PRKG1: variants seen among roughly 807,000 people sequenced by gnomAD.
PRKG1 encodes cGMP-dependent protein kinase 1.
Under a neutral mutation model 88.1 loss-of-function variants are expected in PRKG1, and 35 were observed. The ratio of observed to expected loss-of-function variants is 0.40; its 90% CI spans 0.30 to 0.53. PRKG1 has a LOEUF of 0.53. PRKG1 is among the 20% of genes least tolerant of loss of function. The pLI, the probability that PRKG1 is intolerant of heterozygous loss-of-function variation, is 0.59. For missense variants in PRKG1, 540 were observed against 839.8 expected (o/e 0.64, Z 4.41); for synonymous variants, 303 against 292.5 (o/e 1.04, Z -0.37).
At chr10:51,756,222 C>A (rs1288275884) in intron 3 of PRKG1, among the ~76,000 whole-genome samples, 1 of 152,116 alleles carries the variant, frequency 6.6e-6, no homozygotes, top group East Asian at 1.9e-4. Context: ...GTGGCTCAGA[C>A]CTGTAATCCC....
rs538550265 is a variant in PRKG1, at chr10:51,504,310, G to A, written c.592+36474G>A. On this transcript the variant is annotated intron_variant, in intron 3 of 17. Coordinates refer to ENST00000373980, the MANE Select transcript of PRKG1 (RefSeq NM_006258.4). ...ATGTGGCATTATTTCTGAGGGCTCT[G>A]TTCTGTTCCATTGGTATATATCTCT... Among the ~76,000 whole-genome samples the A allele has an allele frequency of 3.9e-5, 6 of 152,256 alleles. No individual in the cohort carries two copies. The East Asian group carries it at 5.8e-4, about 15-fold the overall frequency.
intron 2 of PRKG1, among the ~76,000 whole-genome samples, chr10:51,410,975 G>T (rs1419685909): frequency 1.3e-5 from 2 of 151,850 alleles, no homozygotes; most frequent in African/African-American, 2.4e-5. Context: ...GCTTTTAAAA[G>T]TAGAATGTGG....
At chr10:51,079,440 G>A (rs1844049876) in intron 1 of PRKG1, among the ~76,000 whole-genome samples, 1 of 152,108 alleles carries the variant, frequency 6.6e-6, no homozygotes, top group African/African-American at 2.4e-5. Flanking sequence ...GAGGAAAGAG[G>A]GAGGGATAGA....
chr10:51,854,947 G>C (rs781408538), intron 4 of PRKG1, among the ~76,000 whole-genome samples: 14 of 152,096 alleles, frequency 9.2e-5, no homozygotes, highest in Admixed American at 2.6e-4. Context: ...AACTGGGAAG[G>C]GTGGAGGAAA....
chr10:51,304,293 G>A (rs75568784), intron 2 of PRKG1, among the ~76,000 whole-genome samples: 1 of 151,960 alleles, frequency 6.6e-6, no homozygotes, highest in Non-Finnish European at 1.5e-5. Context: ...ATATCATATA[G>A]TCACGTAATA....
chr10:51,829,923 A>G (rs1937692), intron 4 of PRKG1, among the ~76,000 whole-genome samples: 31,868 of 152,076 alleles, frequency 0.21, 5,369 homozygotes, highest in African/African-American at 0.47. Context: ...AATTGGTAAG[A>G]GCTGTTCAAA....
chr10:51,859,017 G>A (rs1040068387), intron 4 of PRKG1, among the ~76,000 whole-genome samples: 8 of 152,064 alleles, frequency 5.3e-5, no homozygotes, highest in Non-Finnish European at 8.8e-5. Flanking sequence ...CCCCAAAGTG[G>A]CCTGCTCGAT....
chr10:51,679,403 A>T (rs902178470), intron 3 of PRKG1, among the ~76,000 whole-genome samples: 1 of 152,114 alleles, frequency 6.6e-6, no homozygotes, highest in Admixed American at 6.5e-5. Flanking sequence ...CTGTGAAGAG[A>T]TGGGATCCTT....
intron 5 of PRKG1, among the ~76,000 whole-genome samples, chr10:51,984,174 A>G (rs1453397221): frequency 1.3e-5 from 2 of 152,216 alleles, no homozygotes; most frequent in African/African-American, 2.4e-5. Context: ...GGCATGTTAC[A>G]AAGGGTGATA....
intron 2 of PRKG1, among the ~76,000 whole-genome samples, chr10:51,218,580 G>A (rs987005151): frequency 7.3e-6 from 1 of 137,164 alleles, no homozygotes; most frequent in African/African-American, 2.7e-5. Context: ...ATATATATAT[G>A]TATTTGGCAT....
At chr10:51,854,268 T>C (rs1019956592) in intron 4 of PRKG1, among the ~76,000 whole-genome samples, 2 of 151,994 alleles carry the variant, frequency 1.3e-5, no homozygotes, top group Non-Finnish European at 2.9e-5. Flanking sequence ...TTTTCTAAAA[T>C]GAAAAGAAAG....
chr10:51,020,359 C>T (rs1843119146), intron 1 of PRKG1, among the ~76,000 whole-genome samples: 1 of 152,048 alleles, frequency 6.6e-6, no homozygotes, highest in African/African-American at 2.4e-5. Flanking sequence ...AACAGAGTCT[C>T]TAAGAGACGT....
At chr10:51,735,691 G>T (rs1295134735) in intron 3 of PRKG1, among the ~76,000 whole-genome samples, 4 of 151,702 alleles carry the variant, frequency 2.6e-5, no homozygotes, top group African/African-American at 9.7e-5. Context: ...ATCTCGAGTA[G>T]TTATAATACC....
At chr10:52,254,332 T>C (rs779034692) in intron 10 of PRKG1, among the ~76,000 whole-genome samples, 1 of 152,026 alleles carries the variant, frequency 6.6e-6, no homozygotes, top group Non-Finnish European at 1.5e-5. Flanking sequence ...ATCTAAGCAA[T>C]AAATCTTCAT....
At chr10:52,166,853 A>ATATATGTATATATATATATGTC (rs1838483507) in intron 9 of PRKG1, among the ~76,000 whole-genome samples, 1 of 102,072 alleles carries the variant, frequency 9.8e-6, no homozygotes, top group African/African-American at 3.5e-5. Context: ...ATATATGTCT[A>ATATATGTATATATATATATGTC]TATATATATC....
chr10:51,284,316 A>G (rs940860354), intron 2 of PRKG1, among the ~76,000 whole-genome samples: 10 of 152,228 alleles, frequency 6.6e-5, no homozygotes, highest in Non-Finnish European at 1.5e-4. Flanking sequence ...CAACAGCCAC[A>G]TTGTAAAGAC....
intron 4 of PRKG1, among the ~76,000 whole-genome samples, chr10:51,819,162 C>T (rs1839677803): frequency 6.6e-6 from 1 of 151,862 alleles, no homozygotes; most frequent in African/African-American, 2.4e-5. Flanking sequence ...AGGATGCTTC[C>T]CCTCGTGGTG....
chr10:52,211,713 A>C (rs1468759011), intron 9 of PRKG1, among the ~76,000 whole-genome samples: 2 of 151,610 alleles, frequency 1.3e-5, no homozygotes, highest in Non-Finnish European at 2.9e-5. Flanking sequence ...AAAAAAAAAA[A>C]AAAAGAAAAG....
At chr10:52,080,526 A>AT (rs2133303164) in intron 7 of PRKG1, among the ~76,000 whole-genome samples, 1 of 152,280 alleles carries the variant, frequency 6.6e-6, no homozygotes, top group African/African-American at 2.4e-5. Context: ...TTAGGAGTCC[A>AT]TGAAATGAAG....
Sources: gnomAD v4.1 joint callset for allele counts (sites outside exome capture counted in the v4.1 genomes callset) on GRCh38, gnomAD v4.1.1 for gene constraint, MANE v1.5 for transcripts, NCBI Gene and HGNC (gene_info 2026-07-23, HGNC 2026-07-21) for gene names.